Variants in ANK3 observed in about 807,000 individuals in gnomAD.
ANK3 encodes ankyrin 3, also known as ankyrin-3.
In ANK3, 57 loss-of-function variants were observed where a neutral mutation model predicts 370.9. The observed-to-expected ratio is 0.15, with a 90% CI of 0.12 to 0.19. The LOEUF (loss-of-function observed/expected upper bound fraction) is 0.19. Ranked by LOEUF, ANK3 falls within the 10% of genes least tolerant of loss-of-function variation. ANK3 has a pLI of 1.00. For missense variants in ANK3, 4,439 were observed against 5,302.1 expected, an observed-to-expected ratio of 0.84 and a Z score of 5.06; for synonymous variants, 1,929 against 1,946.3, an observed-to-expected ratio of 0.99 and a Z score of 0.23.
chr10:60,268,129 T>A (rs985262795), intron 5 of ANK3, among the ~76,000 whole-genome samples: 12 of 152,202 alleles, frequency 7.9e-5, no homozygotes, highest in Admixed American at 7.9e-4. Flanking sequence ...TGTCTCTACC[T>A]CCTGAGGGGC....
chr10:60,316,893 C>T (rs2047554811), intron 1 of ANK3, among the ~76,000 whole-genome samples: 2 of 152,092 alleles, frequency 1.3e-5, no homozygotes, highest in Admixed American at 1.3e-4. Flanking sequence ...ACTACAGGCG[C>T]CCGCCACCAC....
At chr10:60,168,387 T>C (rs1474843873) in intron 21 of ANK3, among the ~76,000 whole-genome samples, 1 of 152,194 alleles carries the variant, frequency 6.6e-6, no homozygotes, top group Non-Finnish European at 1.5e-5. Context: ...CATTGATACA[T>C]TATTATTAAA....
At chr10:60,343,745 G>A (rs933674229) in intron 1 of ANK3, among the ~76,000 whole-genome samples, 2 of 152,306 alleles carry the variant, frequency 1.3e-5, no homozygotes, top group Middle Eastern at 3.4e-3. Context: ...GAATACAGTT[G>A]TGGGTGAAGT....
chr10:60,518,098 C>T lies in ANK3; in HGVS notation c.96+97088G>A, dbSNP rs755532370. Reference sequence around the variant, plus strand: ...ATGTAGCCAAAATACGTTAGCACCACGCTACCCTAGAGGTTGGCATGGCTA... The same window carrying T: ...ATGTAGCCAAAATACGTTAGCACCATGCTACCCTAGAGGTTGGCATGGCTA... On this transcript the variant is annotated intron_variant, in intron 2 of 43. Coordinates refer to the ANK3 transcript ENST00000373827. 1.2e-4 allele frequency among the ~76,000 whole-genome samples: 18 copies of T among 152,116 alleles called. No individual in the cohort carries two copies. The South Asian group carries it at 2.7e-3, about 23-fold the overall frequency.
chr10:60,614,213 G>A (rs1471634078), intron 2 of ANK3, among the ~76,000 whole-genome samples: 2 of 152,142 alleles, frequency 1.3e-5, no homozygotes, highest in Admixed American at 1.3e-4. Flanking sequence ...GCTGGTGTTA[G>A]ACTATTTTTT....
intron 1 of ANK3, among the ~76,000 whole-genome samples, chr10:60,728,642 C>T (rs537445392): frequency 7.2e-5 from 11 of 152,202 alleles, no homozygotes; most frequent in African/African-American, 2.4e-4. Flanking sequence ...CAACCCTCTC[C>T]TTCGTCTAGT....
intron 1 of ANK3, among the ~76,000 whole-genome samples, chr10:60,678,995 T>C (rs2079160456): frequency 1.3e-5 from 2 of 152,126 alleles, no homozygotes; most frequent in Non-Finnish European, 2.9e-5. Context: ...GCAAAGGCAT[T>C]TGAGGAACAA....
Position 60,069,237 on chromosome 10 carries a change from A to C in ANK3, c.11644T>G (p.Ser3882Ala), listed in dbSNP as rs1381617228. 6.2e-7 allele frequency: 1 copy of C among 1,613,988 alleles called. No homozygotes were observed. Among genetic ancestry groups the C allele is most frequent in the Non-Finnish European group, 8.5e-7 (1 of 1,180,022 alleles). ...PKDTFPPNHM[S>A]NTKASKMKQV... ...TTCATTTTACTTGCTTTAGTGTTTG[A>C]CATATGGTTCGGTGGGAAGGTATCT... The change falls in exon 37 of 44, where the codon TCA (serine) becomes GCA (alanine). Residue 3882 changes from serine to alanine, a missense_variant. Transcript: ENST00000280772.
chr10:60,665,130 T>C (rs972275133), intron 1 of ANK3, among the ~76,000 whole-genome samples: 1 of 152,114 alleles, frequency 6.6e-6, no homozygotes, highest in Non-Finnish European at 1.5e-5. Flanking sequence ...AGCTTAACGA[T>C]GCGAACCCTC....
chr10:60,288,361 T>A (rs2040521010), intron 1 of ANK3, among the ~76,000 whole-genome samples: 1 of 152,188 alleles, frequency 6.6e-6, no homozygotes, highest in Non-Finnish European at 1.5e-5. Context: ...GATGATAATC[T>A]TTTTTAGGGT....
At chr10:60,705,331 A>G (rs2079599770) in intron 1 of ANK3, among the ~76,000 whole-genome samples, 2 of 137,176 alleles carry the variant, frequency 1.5e-5, no homozygotes, top group African/African-American at 2.5e-5. Flanking sequence ...TGATGATGAT[A>G]ATAATAACAA....
chr10:60,482,572 G>A (rs771742249), intron 2 of ANK3, among the ~76,000 whole-genome samples: 51 of 151,934 alleles, frequency 3.4e-4, no homozygotes, highest in Non-Finnish European at 4.4e-4. Flanking sequence ...CTGCAACCTC[G>A]ACATTGTGAG....
intron 7 of ANK3, among the ~76,000 whole-genome samples, chr10:60,243,805 G>A (rs1230522014): frequency 9.9e-5 from 15 of 152,170 alleles, no homozygotes. Flanking sequence ...TCTAAAGTAA[G>A]CCTTGAAAGA....
chr10:60,701,759 C>T (rs61100499), intron 1 of ANK3, among the ~76,000 whole-genome samples: 7,899 of 152,116 alleles, frequency 0.052, 289 homozygotes, highest in African/African-American at 0.086. Context: ...ATCTGCCCTC[C>T]TTTATCTACA....
At chr10:60,560,500 T>C (rs2077309742) in intron 2 of ANK3, among the ~76,000 whole-genome samples, 1 of 152,224 alleles carries the variant, frequency 6.6e-6, no homozygotes, top group South Asian at 2.1e-4. Flanking sequence ...ATAAGTGCCC[T>C]GTACATTTTT....
chr10:60,266,154 T>G (rs925706285), intron 5 of ANK3, among the ~76,000 whole-genome samples: 1 of 152,150 alleles, frequency 6.6e-6, no homozygotes, highest in African/African-American at 2.4e-5. Context: ...AAAGACTAGA[T>G]ACATCCAAGA....
chr10:60,590,630 T>A lies in ANK3; in HGVS notation c.96+24556A>T, dbSNP rs560268975. On this transcript the variant is annotated intron_variant, in intron 2 of 43. Coordinates refer to the ANK3 transcript ENST00000373827. ...ATCATAAGTATAGTTCATGAGTCTTTTGCCCAGCCTTTCTCAAAAGTCTTT... is the reference window on the plus strand; with the variant it reads ...ATCATAAGTATAGTTCATGAGTCTTATGCCCAGCCTTTCTCAAAAGTCTTT... Among the ~76,000 whole-genome samples the A allele has an allele frequency of 2.6e-5, 4 of 152,344 alleles. No homozygotes were observed. The South Asian group carries it at 6.2e-4, about 24-fold the overall frequency.
At chr10:60,228,841 A>G (rs2097203163) in intron 8 of ANK3, among the ~76,000 whole-genome samples, 1 of 152,188 alleles carries the variant, frequency 6.6e-6, no homozygotes, top group East Asian at 1.9e-4. Flanking sequence ...TTGGAACCAC[A>G]TAGCAATTAT....
intron 16 of ANK3, among the ~76,000 whole-genome samples, chr10:60,193,596 AG>A: frequency 6.6e-6 from 1 of 151,790 alleles, no homozygotes; most frequent in East Asian, 1.9e-4. Flanking sequence ...CGGAGGTTGC[AG>A]TGAGCCAAGA....
Sources: allele counts gnomAD v4.1 joint callset (sites outside exome capture counted in the v4.1 genomes callset), GRCh38; gene constraint gnomAD v4.1.1; transcripts MANE v1.5; gene names NCBI Gene and HGNC (gene_info 2026-07-23, HGNC 2026-07-21).